The following UGGT2 variants were observed in gnomAD, a reference collection of about 807,000 sequenced individuals.
UGGT2 encodes the protein UDP-glucose:glycoprotein glucosyltransferase 2.
A neutral mutation model predicts 192.1 loss-of-function variants in UGGT2; 180 were observed. The observed-to-expected ratio is 0.94, with a 90% CI of 0.83 to 1.06. The LOEUF is 1.06. UGGT2 is among the 50% of genes least tolerant of loss of function. UGGT2 has a pLI of 0.00. For synonymous variants in UGGT2, 580 were observed against 591.0 expected, an observed-to-expected ratio of 0.98 and a Z score of 0.27; for missense variants, 1,849 against 1,795.7, an observed-to-expected ratio of 1.03 and a Z score of -0.54.
chr13:96,035,777 A>T (rs565999038), intron 1 of UGGT2, among the ~76,000 whole-genome samples: 1 of 152,332 alleles, frequency 6.6e-6, no homozygotes, highest in Admixed American at 6.5e-5. Flanking sequence ...ATCAAAATAA[A>T]ACATTCATGC....
chr13:95,988,546 C>A (rs139817681), intron 8 of UGGT2, among the ~76,000 whole-genome samples: 2,521 of 152,172 alleles, frequency 0.017, 36 homozygotes, highest in Non-Finnish European at 0.026. Flanking sequence ...AGAATAGATT[C>A]TATCAGTTCA....
At chr13:95,829,126 A>G (rs1886377578) in intron 38 of UGGT2, among the ~76,000 whole-genome samples, 1 of 152,230 alleles carries the variant, frequency 6.6e-6, no homozygotes, top group Non-Finnish European at 1.5e-5. Context: ...ACAGCCCTTC[A>G]TGCTAAAAAC....
rs367632970 is a variant in UGGT2, at chr13:95,918,425, C to T, written c.2295+7255G>A. ...AGCACTAAATGCCCACATCAAAACGCTAGAAAGATCTCAAGTTAACAACCT... is the reference window on the plus strand; with the variant it reads ...AGCACTAAATGCCCACATCAAAACGTTAGAAAGATCTCAAGTTAACAACCT... On this transcript the variant is annotated intron_variant, in intron 20 of 38. Coordinates refer to ENST00000376747, the MANE Select transcript of UGGT2 (RefSeq NM_020121.4). Among the ~76,000 whole-genome samples the T allele has an allele frequency of 1.9e-4, 29 of 152,114 alleles. 1 individual carries two copies. In the South Asian group the frequency reaches 6.0e-3, roughly 32 times the overall value.
Position 95,854,418 on chromosome 13 carries a change from C to T in UGGT2, c.4066G>A (p.Gly1356Arg). The change falls in exon 35 of 39, where the codon GGG (glycine) becomes AGG (arginine). Residue 1356 changes from glycine (G) to arginine (R), a missense_variant. Gly to Arg is a moderately radical substitution (Grantham distance 125, BLOSUM62 -2). Transcript: ENST00000376747. ...CGGCTATCACAAAATGGAGTATACC[C>T]ATAAGGAGCTCCATCCAGATCGAAA... ...RDFDLDGAPY[G>R]YTPFCDSRRE... 6.2e-7 allele frequency: 1 copy of T among 1,613,484 alleles called. No individual in the cohort carries two copies. The highest frequency in any genetic ancestry group is 8.5e-7 in the Non-Finnish European group (1 of 1,179,772).
intron 1 of UGGT2, among the ~76,000 whole-genome samples, chr13:96,037,071 G>A (rs760443518): frequency 7.2e-5 from 11 of 152,140 alleles, no homozygotes; most frequent in Non-Finnish European, 1.5e-4. Context: ...GTTTTTATAC[G>A]CACTAAAGAG....
chr13:95,970,054 T>G, intron 12 of UGGT2, 58 bp downstream of exon 12: 1 of 1,505,160 alleles, frequency 6.6e-7, no homozygotes, highest in Non-Finnish European at 9.0e-7. Context: ...TACTTCATTT[T>G]ATGTTAAGCC....
rs376021440 is a variant in UGGT2 at position 95,884,000 on chromosome 13, TTTTG to T, written c.3228+487_3228+490del. On this transcript the variant is annotated intron_variant, in intron 27 of 38. Transcript: ENST00000376747. ...TACCTGGCCTGTAGTATACCGCAAATTTTGTTTCCTACTTTCTACCCTAATTTAG... is the reference window on the plus strand; with the variant it reads ...TACCTGGCCTGTAGTATACCGCAAATTTTCCTACTTTCTACCCTAATTTAG... Among the ~76,000 whole-genome samples the T allele has an allele frequency of 5.2e-4, 79 of 151,234 alleles. No individual in the cohort carries two copies. The East Asian group carries it at 5.5e-3, about 10-fold the overall frequency.
At chr13:96,021,527 G>A (rs1450205768) in intron 4 of UGGT2, among the ~76,000 whole-genome samples, 7 of 152,124 alleles carry the variant, frequency 4.6e-5, no homozygotes, top group Middle Eastern at 3.4e-3. Context: ...TAGAATGACC[G>A]ATAAAAATTA....
chr13:95,855,863 A>G (rs1440047647), intron 34 of UGGT2, among the ~76,000 whole-genome samples: 2 of 152,112 alleles, frequency 1.3e-5, no homozygotes, highest in Non-Finnish European at 2.9e-5. Flanking sequence ...TTCATTAACT[A>G]CTCTTATTAT....
intron 26 of UGGT2, among the ~76,000 whole-genome samples, chr13:95,885,778 T>C (rs1300211393): frequency 6.6e-6 from 1 of 152,216 alleles, no homozygotes; most frequent in Non-Finnish European, 1.5e-5. Context: ...AAAGAAAAAG[T>C]ATTCTCTGAA....
intron 13 of UGGT2, among the ~76,000 whole-genome samples, chr13:95,948,389 C>A (rs1594411892): frequency 1.3e-5 from 2 of 151,868 alleles, no homozygotes; most frequent in African/African-American, 4.8e-5. Context: ...AATTGAAATA[C>A]CTTATTCTAA....
chr13:95,928,896 C>G (rs1001910900), intron 17 of UGGT2, among the ~76,000 whole-genome samples: 1 of 152,312 alleles, frequency 6.6e-6, no homozygotes. Flanking sequence ...GCACTCCAGC[C>G]TGGGCAACAT....
At chr13:95,968,448 T>C (rs932248096) in intron 12 of UGGT2, among the ~76,000 whole-genome samples, 12 of 152,184 alleles carry the variant, frequency 7.9e-5, no homozygotes, top group Non-Finnish European at 1.3e-4. Flanking sequence ...CGCTGAATTG[T>C]AATCCCCAAT....
At chr13:95,986,868 C>T (rs929343386) in intron 8 of UGGT2, among the ~76,000 whole-genome samples, 1 of 152,070 alleles carries the variant, frequency 6.6e-6, no homozygotes, top group Non-Finnish European at 1.5e-5. Flanking sequence ...TCTCTTTCAA[C>T]ATTGTTTTAC....
chr13:95,816,314 CAT>C (rs1884880435), intron 38 of UGGT2, among the ~76,000 whole-genome samples: 1 of 152,162 alleles, frequency 6.6e-6, no homozygotes, highest in Non-Finnish European at 1.5e-5. Flanking sequence ...TTGGAACTCT[CAT>C]ATGTTGTTAG....
chr13:95,897,766 C>T (rs2047988372), intron 22 of UGGT2, among the ~76,000 whole-genome samples: 1 of 152,134 alleles, frequency 6.6e-6, no homozygotes, highest in African/African-American at 2.4e-5. Context: ...CACAGTTATA[C>T]AAATAAAAGG....
In UGGT2 at chr13:95,923,721, C is replaced by A. The variant is rs545652798; in HGVS notation, c.2295+1959G>T. Reference sequence around the variant, plus strand: ...TCCATGTAGACAGTTTATTATGTATCCATTTGAATTCTTGTTGACACAACA... The same window carrying A: ...TCCATGTAGACAGTTTATTATGTATACATTTGAATTCTTGTTGACACAACA... On this transcript the variant is annotated intron_variant, in intron 20 of 38. Coordinates refer to ENST00000376747, the MANE Select transcript of UGGT2 (RefSeq NM_020121.4). Among the ~76,000 whole-genome samples, 16 of 152,186 alleles carry A rather than the reference C, an allele frequency of 1.1e-4. No homozygotes were observed. In the East Asian group the frequency reaches 3.1e-3, roughly 29 times the overall value.
Position 95,989,732 on chromosome 13 carries a change from T to A in UGGT2, c.931+241A>T, listed in dbSNP as rs576425522. The A allele has an allele frequency of 6.5e-5, 20 of 306,192 alleles. No homozygotes were observed. The East Asian group carries it at 1.1e-3, about 17-fold the overall frequency. 19.0% of individuals were successfully genotyped at this position (306,192 alleles called of 1,614,324 possible). On this transcript the variant is annotated intron_variant, in intron 8 of 38. Coordinates refer to ENST00000376747, the MANE Select transcript of UGGT2 (RefSeq NM_020121.4). Reference sequence around the variant, plus strand: ...ACTAACCTATAAATCAGTATATACTTTTGAAATAACATTGAATAACCTCAC... The same window carrying A: ...ACTAACCTATAAATCAGTATATACTATTGAAATAACATTGAATAACCTCAC...
intron 38 of UGGT2, among the ~76,000 whole-genome samples, chr13:95,827,227 A>G (rs1440639978): frequency 6.6e-6 from 1 of 152,172 alleles, no homozygotes; most frequent in Non-Finnish European, 1.5e-5. Flanking sequence ...GGTTTAATTC[A>G]TATTTCAAAA....
Sources: gnomAD v4.1 joint callset for allele counts (sites outside exome capture counted in the v4.1 genomes callset) on GRCh38, gnomAD v4.1.1 for gene constraint, MANE v1.5 for transcripts, NCBI Gene and HGNC (gene_info 2026-07-23, HGNC 2026-07-21) for gene names.